The following AMPH variants were observed in gnomAD, a reference collection of about 807,000 sequenced individuals.
AMPH encodes the protein amphiphysin.
Under a neutral mutation model 99.1 loss-of-function variants are expected in AMPH, and 49 were observed. That is an observed-to-expected ratio of 0.49 (90% confidence interval 0.39 to 0.63). The LOEUF is 0.63. Ranked by LOEUF, AMPH falls within the 20% of genes least tolerant of loss-of-function variation. The pLI is 0.00. For synonymous variants in AMPH, 314 were observed against 317.3 expected, an observed-to-expected ratio of 0.99 and a Z score of 0.11; for missense variants, 759 against 863.4, an observed-to-expected ratio of 0.88 and a Z score of 1.52.
At chr7:38,390,784 C>T (rs1023141251) in intron 19 of AMPH, among the ~76,000 whole-genome samples, 2 of 152,168 alleles carry the variant, frequency 1.3e-5, no homozygotes, top group Non-Finnish European at 2.9e-5. Flanking sequence ...GTGCTTGGCA[C>T]AAGGCTTCTT....
rs377063623 is a variant in AMPH at position 38,554,343 on chromosome 7, T to C, written c.70-19332A>G. On this transcript the variant is annotated intron_variant, in intron 1 of 20. Transcript: ENST00000356264. ...CAGAAGAATTCACAATCATGTTCTA[T>C]AGAAGGCTAAAATCAGTAAATGAGC... 4.3e-4 allele frequency among the ~76,000 whole-genome samples: 66 copies of C among 152,340 alleles called. 1 individual carries two copies. In the Middle Eastern group the frequency reaches 0.027, roughly 63 times the overall value.
chr7:38,503,983 A>T (rs956536980), intron 2 of AMPH, among the ~76,000 whole-genome samples: 8 of 152,352 alleles, frequency 5.3e-5, no homozygotes, highest in Admixed American at 3.3e-4. Flanking sequence ...AAATTTCTAG[A>T]TTTTGACACA....
intron 1 of AMPH, among the ~76,000 whole-genome samples, chr7:38,570,934 T>TATATATAG (rs1791923888): frequency 3.0e-5 from 1 of 33,194 alleles, no homozygotes; most frequent in Non-Finnish European, 7.6e-5. Flanking sequence ...AATTTATATA[T>TATATATAG]ATATATATAT....
At chr7:38,461,988 T>C (rs921968128) in intron 10 of AMPH, among the ~76,000 whole-genome samples, 1 of 152,206 alleles carries the variant, frequency 6.6e-6, no homozygotes, top group Non-Finnish European at 1.5e-5. Context: ...TAGGAAAGTG[T>C]AAAAGCAATA....
intron 16 of AMPH, among the ~76,000 whole-genome samples, chr7:38,419,459 T>C (rs1785509479): frequency 6.6e-6 from 1 of 152,330 alleles, no homozygotes; most frequent in African/African-American, 2.4e-5. Context: ...TGGGCTTTTT[T>C]CAGCTTTAAG....
intron 17 of AMPH, among the ~76,000 whole-genome samples, chr7:38,396,955 A>C (rs906003907): frequency 1.3e-5 from 2 of 152,244 alleles, no homozygotes; most frequent in African/African-American, 4.8e-5. Context: ...AATGTAGAAA[A>C]TAAGTTGTGT....
At chr7:38,586,037 T>C (rs894957255) in intron 1 of AMPH, among the ~76,000 whole-genome samples, 2 of 152,184 alleles carry the variant, frequency 1.3e-5, no homozygotes, top group Non-Finnish European at 2.9e-5. Context: ...AATAATCTTA[T>C]CCTACAAATA....
intron 1 of AMPH, among the ~76,000 whole-genome samples, chr7:38,582,017 G>A (rs577593085): frequency 2.6e-5 from 4 of 152,280 alleles, no homozygotes; most frequent in African/African-American, 7.2e-5. Flanking sequence ...TCAGAAGAGA[G>A]GCTGAGGCTG....
In AMPH at chr7:38,398,189, A is replaced by C. The variant is rs9690612; in HGVS notation, c.1399-3975T>G. Reference sequence around the variant, plus strand: ...CACTGCTAGGTATATACTCAAAAAAAAAAAAACAAAAAAAAAAGGGAAATC... The same window carrying C: ...CACTGCTAGGTATATACTCAAAAAACAAAAAACAAAAAAAAAAGGGAAATC... On this transcript the variant is annotated intron_variant, in intron 17 of 20. Coordinates refer to ENST00000356264, the MANE Select transcript of AMPH (RefSeq NM_001635.4). 3.3e-5 allele frequency among the ~76,000 whole-genome samples: 5 copies of C among 150,766 alleles called. 1 individual carries two copies. Among genetic ancestry groups the C allele is most frequent in the African/African-American group, 1.2e-4 (5 of 41,058 alleles).
At chr7:38,457,167 C>G (rs952743167) in intron 11 of AMPH, among the ~76,000 whole-genome samples, 5 of 152,058 alleles carry the variant, frequency 3.3e-5, no homozygotes, top group East Asian at 1.9e-4. Flanking sequence ...GAAGTTATAC[C>G]AGATGCACAG....
chr7:38,562,550 G>A (rs1562828978), intron 1 of AMPH, among the ~76,000 whole-genome samples: 1 of 152,090 alleles, frequency 6.6e-6, no homozygotes, highest in Non-Finnish European at 1.5e-5. Flanking sequence ...CAAAAGTTGA[G>A]GAATCCTAAG....
At chr7:38,476,834 TG>T in intron 6 of AMPH, 27 bp downstream of exon 6, 1 of 1,522,586 alleles carries the variant, frequency 6.6e-7, no homozygotes, top group Non-Finnish European at 9.1e-7. Flanking sequence ...ATACGGAGAG[TG>T]GTATTCACCA....
chr7:38,533,584 C>G (rs1031222318), intron 2 of AMPH, among the ~76,000 whole-genome samples: 1 of 152,082 alleles, frequency 6.6e-6, no homozygotes, highest in Admixed American at 6.6e-5. Flanking sequence ...AACCCTGATA[C>G]ACAAATGGAA....
In AMPH at chr7:38,422,416, C is replaced by G; in HGVS notation, c.1272+5G>C. The G allele has an allele frequency of 6.2e-6, 10 of 1,612,636 alleles. No individual in the cohort carries two copies. The highest frequency in any genetic ancestry group is 8.5e-6 in the Non-Finnish European group (10 of 1,179,052). ...TCCTGAGAGCACAAACCCAAATCAACTTACCAAGTTGCAGATCATACTCTG... is the reference window on the plus strand; with the variant it reads ...TCCTGAGAGCACAAACCCAAATCAAGTTACCAAGTTGCAGATCATACTCTG... On this transcript the variant is annotated splice_donor_5th_base_variant and intron_variant, in intron 16 of 20. Transcript: ENST00000356264.
chr7:38,472,584 C>CA (rs1787924486), intron 7 of AMPH, among the ~76,000 whole-genome samples: 1 of 151,952 alleles, frequency 6.6e-6, no homozygotes, highest in South Asian at 2.1e-4. Flanking sequence ...GAAAGTATTC[C>CA]AAAAAATGAT....
At chr7:38,391,725 TGA>T in intron 19 of AMPH, 21 bp downstream of exon 19, 3 of 1,603,764 alleles carry the variant, frequency 1.9e-6, no homozygotes, top group African/African-American at 2.7e-5. Flanking sequence ...AAAGGATAAA[TGA>T]GACTTAAAAA....
At chr7:38,522,404 G>A (rs1400368279) in intron 2 of AMPH, among the ~76,000 whole-genome samples, 1 of 152,174 alleles carries the variant, frequency 6.6e-6, no homozygotes, top group Non-Finnish European at 1.5e-5. Flanking sequence ...AATTGAATTA[G>A]GTGCCAGTAT....
At chr7:38,569,701 GT>G (rs1791874658) in intron 1 of AMPH, among the ~76,000 whole-genome samples, 1 of 152,126 alleles carries the variant, frequency 6.6e-6, no homozygotes, top group South Asian at 2.1e-4. Flanking sequence ...CCCAGCCAGG[GT>G]TTTGACAGGT....
chr7:38,441,625 T>C (rs753698469), intron 11 of AMPH, among the ~76,000 whole-genome samples: 16 of 151,756 alleles, frequency 1.1e-4, no homozygotes, highest in Non-Finnish European at 1.8e-4. Context: ...TATAACTCTA[T>C]TATAAAGACA....
Sources: gnomAD v4.1 joint callset for allele counts (sites outside exome capture counted in the v4.1 genomes callset) on GRCh38, gnomAD v4.1.1 for gene constraint, MANE v1.5 for transcripts, NCBI Gene and HGNC (gene_info 2026-07-23, HGNC 2026-07-21) for gene names.